Variants in CDH9 observed in about 807,000 individuals in gnomAD.
The protein encoded by CDH9 is cadherin 9, also known as cadherin-9.
Under a neutral mutation model 70.9 loss-of-function variants are expected in CDH9, and 28 were observed. The ratio of observed to expected loss-of-function variants is 0.40; its 90% CI spans 0.29 to 0.54. CDH9 has a LOEUF of 0.54. Among genes scored for constraint, CDH9 ranks in the 20% least tolerant of loss-of-function variants. The pLI is 0.59. For missense variants in CDH9, 874 were observed against 984.4 expected, an observed-to-expected ratio of 0.89 and a Z score of 1.50; for synonymous variants, 409 against 343.1, an observed-to-expected ratio of 1.19 and a Z score of -2.12.
chr5:27,009,265 A>G (rs565862162), intron 1 of CDH9, among the ~76,000 whole-genome samples: 1 of 152,272 alleles, frequency 6.6e-6, no homozygotes, highest in Non-Finnish European at 1.5e-5. Context: ...AACAAGTTGT[A>G]GTTTCTACAT....
At chr5:27,025,721 T>C (rs1028637227) in intron 1 of CDH9, among the ~76,000 whole-genome samples, 1 of 152,016 alleles carries the variant, frequency 6.6e-6, no homozygotes, top group African/African-American at 2.4e-5. Flanking sequence ...GGACTTGACC[T>C]TTGGCGACAT....
chr5:26,905,929 T>G (rs1233637658), intron 5 of CDH9, 30 bp downstream of exon 5: 1 of 1,581,576 alleles, frequency 6.3e-7, no homozygotes, highest in Non-Finnish European at 8.7e-7. Flanking sequence ...GAGAAGTTTT[T>G]GGACATGAGA....
At chr5:26,908,008 G>A in intron 3 of CDH9, among the ~76,000 whole-genome samples, 1 of 152,076 alleles carries the variant, frequency 6.6e-6, no homozygotes, top group East Asian at 1.9e-4. Context: ...TAGTAATTAA[G>A]ATCAATATTA....
chr5:26,956,250 A>C lies in CDH9; in HGVS notation c.228+31856T>G, dbSNP rs915116838. 3.3e-5 allele frequency among the ~76,000 whole-genome samples: 5 copies of C among 152,148 alleles called. No individual in the cohort carries two copies. In the South Asian group the frequency reaches 6.2e-4, roughly 19 times the overall value. On this transcript the variant is annotated intron_variant, in intron 2 of 11. Transcript: ENST00000231021. Reference sequence around the variant, plus strand: ...TCTCACGAGATCTGAATTCCCCTGCACAAATTCTCTTCTCTTGTCTGCTGC... The same window carrying C: ...TCTCACGAGATCTGAATTCCCCTGCCCAAATTCTCTTCTCTTGTCTGCTGC...
At chr5:27,010,257 C>A (rs1328067409) in intron 1 of CDH9, among the ~76,000 whole-genome samples, 2 of 152,112 alleles carry the variant, frequency 1.3e-5, no homozygotes, top group East Asian at 3.9e-4. Context: ...ACTGGTAACC[C>A]CCATTCTACT....
chr5:26,945,746 G>A (rs1741742163), intron 2 of CDH9, among the ~76,000 whole-genome samples: 1 of 152,124 alleles, frequency 6.6e-6, no homozygotes, highest in South Asian at 2.1e-4. Flanking sequence ...CAAAAACTCT[G>A]AATTAAAAAG....
At chr5:26,979,430 T>C (rs546417371) in intron 2 of CDH9, among the ~76,000 whole-genome samples, 1 of 142,128 alleles carries the variant, frequency 7.0e-6, no homozygotes, top group Non-Finnish European at 1.6e-5. Flanking sequence ...TGATTAATTG[T>C]TCCAAAAGAT....
Position 26,993,755 on chromosome 5 carries a change from C to A in CDH9, c.-49-5373G>T, listed in dbSNP as rs1403981868. On this transcript the variant is annotated intron_variant, in intron 1 of 11. Coordinates refer to ENST00000231021, the MANE Select transcript of CDH9 (RefSeq NM_016279.4). Reference sequence around the variant, plus strand: ...TATTCAAGACAAGAGAAGAATGACTCGAAAGATAATTCAGGTATGTGTTGT... The same window carrying A: ...TATTCAAGACAAGAGAAGAATGACTAGAAAGATAATTCAGGTATGTGTTGT... 2.8e-5 allele frequency among the ~76,000 whole-genome samples: 4 copies of A among 145,100 alleles called. No individual in the cohort carries two copies. The East Asian group carries it at 8.0e-4, about 29-fold the overall frequency.
At chr5:26,955,395 G>A (rs969450979) in intron 2 of CDH9, among the ~76,000 whole-genome samples, 16 of 152,278 alleles carry the variant, frequency 1.1e-4, no homozygotes, top group African/African-American at 3.9e-4. Context: ...TTAAAATCAA[G>A]TTATCAGCAG....
chr5:27,033,297 T>A (rs1579524736), intron 1 of CDH9, among the ~76,000 whole-genome samples: 1 of 151,500 alleles, frequency 6.6e-6, no homozygotes, highest in East Asian at 1.9e-4. Flanking sequence ...AATTAATTTA[T>A]GTGAACATTG....
chr5:26,998,459 T>C (rs1464921728), intron 1 of CDH9, among the ~76,000 whole-genome samples: 2 of 152,094 alleles, frequency 1.3e-5, no homozygotes, highest in South Asian at 2.1e-4. Flanking sequence ...GCCATCATTC[T>C]CAGCAAACTA....
chr5:26,914,730 C>T (rs1166074768), intron 3 of CDH9, among the ~76,000 whole-genome samples: 1 of 151,956 alleles, frequency 6.6e-6, no homozygotes, highest in South Asian at 2.1e-4. Flanking sequence ...TTATTTTAGA[C>T]TGAAACATAT....
intron 2 of CDH9, among the ~76,000 whole-genome samples, chr5:26,966,979 C>T (rs1742139870): frequency 6.6e-6 from 1 of 152,114 alleles, no homozygotes; most frequent in Non-Finnish European, 1.5e-5. Context: ...GTTGCCCAGG[C>T]TGGAGTGCAG....
chr5:26,885,518 T>A (rs1195482662), intron 11 of CDH9, 96 bp downstream of exon 11: 1 of 1,017,068 alleles, frequency 9.8e-7, no homozygotes, highest in African/African-American at 1.6e-5. Context: ...GTTCTATCTT[T>A]ATCTATAGAG....
At chr5:26,992,026 T>C (rs1273397868) in intron 1 of CDH9, among the ~76,000 whole-genome samples, 1 of 152,168 alleles carries the variant, frequency 6.6e-6, no homozygotes, top group African/African-American at 2.4e-5. Flanking sequence ...CAGATGAATA[T>C]ATAAATGCAT....
chr5:26,936,400 T>A (rs1741559313), intron 2 of CDH9, among the ~76,000 whole-genome samples: 1 of 151,018 alleles, frequency 6.6e-6, no homozygotes, highest in African/African-American at 2.4e-5. Flanking sequence ...AAACTTCTGA[T>A]GGAAGAAATC....
intron 2 of CDH9, among the ~76,000 whole-genome samples, chr5:26,922,865 A>G (rs985360167): frequency 6.6e-6 from 1 of 151,838 alleles, no homozygotes; most frequent in Non-Finnish European, 1.5e-5. Flanking sequence ...GTTAAAATGT[A>G]GAGTTTTTAT....
At position 26,881,392 on chromosome 5, in the gene CDH9, G is replaced by A. The variant is rs1229333530; in HGVS notation, c.2114C>T (p.Pro705Leu). ...TTGTACATCAATATTTTCCCACAGA[G>A]GCACAGTCCTCCTTATCTGAAAAAT... ...ETIFQIRRTV[P>L]LWENIDVQDF... The change falls in exon 12 of 12, where the codon CCT becomes CTT. Residue 705 changes from proline to leucine, a missense_variant. Coordinates refer to ENST00000231021, the MANE Select transcript of CDH9 (RefSeq NM_016279.4). The A allele has an allele frequency of 6.2e-7, 1 of 1,613,522 alleles. No individual in the cohort carries two copies. Among genetic ancestry groups the A allele is most frequent in the Non-Finnish European group, 8.5e-7 (1 of 1,179,642 alleles).
At chr5:26,960,866 T>C (rs116065920) in intron 2 of CDH9, among the ~76,000 whole-genome samples, 2,691 of 152,206 alleles carry the variant, frequency 0.018, 96 homozygotes, top group African/African-American at 0.061. Context: ...ATTTTACTAC[T>C]AACAATAATA....
Sources: gnomAD v4.1 joint callset for allele counts (sites outside exome capture counted in the v4.1 genomes callset) on GRCh38, gnomAD v4.1.1 for gene constraint, MANE v1.5 for transcripts, NCBI Gene and HGNC (gene_info 2026-07-23, HGNC 2026-07-21) for gene names.